SERINC5: variants seen among roughly 807,000 people sequenced by gnomAD.
SERINC5 encodes serine incorporator 5, also known as chromosome 5 open reading frame 12.
In SERINC5, 41 loss-of-function variants were observed where a neutral mutation model predicts 63.1. That is an observed-to-expected ratio of 0.65 (90% confidence interval 0.51 to 0.84). The LOEUF (loss-of-function observed/expected upper bound fraction) is 0.84. SERINC5 is among the 40% of genes least tolerant of loss of function. SERINC5 has a pLI of 0.00. For synonymous variants in SERINC5, 222 were observed against 215.2 expected, an observed-to-expected ratio of 1.03 and a Z score of -0.28; for missense variants, 523 against 573.0, an observed-to-expected ratio of 0.91 and a Z score of 0.89.
chr5:80,241,432 G>A (rs950559057), intron 1 of SERINC5, among the ~76,000 whole-genome samples: 1 of 152,104 alleles, frequency 6.6e-6, no homozygotes, highest in African/African-American at 2.4e-5. Context: ...TCGCGCCACT[G>A]CACTTCAACC....
intron 5 of SERINC5, among the ~76,000 whole-genome samples, chr5:80,171,357 T>C (rs77324890): frequency 0.021 from 3,193 of 152,168 alleles, 116 homozygotes; most frequent in African/African-American, 0.072. Context: ...AGAAACAAAG[T>C]GTTGCCAGCA....
At chr5:80,172,250 G>C (rs1747718962) in intron 5 of SERINC5, among the ~76,000 whole-genome samples, 1 of 152,112 alleles carries the variant, frequency 6.6e-6, no homozygotes. Flanking sequence ...GGACACCAGA[G>C]GCAGAGGCTG....
intron 2 of SERINC5, among the ~76,000 whole-genome samples, chr5:80,199,613 G>A (rs558248262): frequency 6.6e-6 from 1 of 152,138 alleles, no homozygotes; most frequent in Non-Finnish European, 1.5e-5. Flanking sequence ...AATCAGGTGT[G>A]AATATTATCA....
chr5:80,166,594 G>T (rs1580097108), intron 6 of SERINC5, 116 bp from the exon 7 acceptor site: 2 of 624,294 alleles, frequency 3.2e-6, no homozygotes, highest in East Asian at 5.9e-5. Flanking sequence ...CACCTTTAAA[G>T]GAAAGAAAAG....
At chr5:80,158,346 T>C (rs953920762) in intron 8 of SERINC5, 4 of 153,498 alleles carry the variant, frequency 2.6e-5, no homozygotes, top group Admixed American at 6.4e-5. Context: ...AGAATGAACA[T>C]TTCTTGTCTG....
At chr5:80,128,953 A>C (rs1334349721) in intron 11 of SERINC5, 27 of 152,230 alleles carry the variant, frequency 1.8e-4, no homozygotes, top group Admixed American at 1.8e-3. Flanking sequence ...TGTGATGCTT[A>C]AAACAGTCAC....
chr5:80,141,141 T>G lies in SERINC5; in HGVS notation c.*2522A>C. The G allele has an allele frequency of 2.0e-6, 2 of 985,318 alleles. No homozygotes were observed. The highest frequency in any genetic ancestry group is 2.4e-6 in the Non-Finnish European group (2 of 829,818). The allele number at this position is 985,318 out of a possible 1,614,324, so 61.0% of individuals were successfully genotyped here. A position where few individuals can be genotyped will look rare whatever the true frequency, so the allele number is the denominator to read the frequency against. On this transcript the variant is annotated 3_prime_UTR_variant, in exon 12 of 12. Transcript: ENST00000507668. ...CTCTGCATTGATAGTCCCTCAATCC[T>G]CAGATACATCCACATCTGTTTTGTT...
intron 1 of SERINC5, among the ~76,000 whole-genome samples, chr5:80,253,086 T>C (rs1357332520): frequency 6.6e-6 from 1 of 152,150 alleles, no homozygotes; most frequent in Non-Finnish European, 1.5e-5. Flanking sequence ...AGTAATGCGA[T>C]CATCATCTAC....
At chr5:80,113,304 T>C (rs1422785309) in intron 12 of SERINC5, among the ~76,000 whole-genome samples, 1 of 152,166 alleles carries the variant, frequency 6.6e-6, no homozygotes, top group Non-Finnish European at 1.5e-5. Context: ...TCCATTATCT[T>C]CTTTTATTTT....
At chr5:80,198,067 T>C (rs923492943) in intron 2 of SERINC5, among the ~76,000 whole-genome samples, 2 of 152,056 alleles carry the variant, frequency 1.3e-5, no homozygotes, top group African/African-American at 4.8e-5. Context: ...CTGGATCTCT[T>C]GACCTTGTGA....
intron 2 of SERINC5, among the ~76,000 whole-genome samples, chr5:80,192,085 T>C (rs1749223603): frequency 6.6e-6 from 1 of 152,242 alleles, no homozygotes; most frequent in South Asian, 2.1e-4. Flanking sequence ...TGGCTGCTTT[T>C]GCACTACAAA....
intron 5 of SERINC5, among the ~76,000 whole-genome samples, chr5:80,171,207 C>T (rs1045452874): frequency 1.2e-4 from 19 of 152,038 alleles, no homozygotes; most frequent in African/African-American, 4.6e-4. Flanking sequence ...CGGGGTTTCA[C>T]CATCTTGGCC....
chr5:80,170,207 G>A (rs1348311188), intron 5 of SERINC5, among the ~76,000 whole-genome samples: 4 of 152,326 alleles, frequency 2.6e-5, no homozygotes, highest in African/African-American at 9.6e-5. Context: ...AGATAAGCTT[G>A]TAATGGACAT....
At chr5:80,161,018 G>T (rs1580086672) in intron 7 of SERINC5, among the ~76,000 whole-genome samples, 1 of 143,270 alleles carries the variant, frequency 7.0e-6, no homozygotes, top group Non-Finnish European at 1.5e-5. Context: ...ATATATACGT[G>T]TATATATATA....
At chr5:80,112,686 C>T in intron 12 of SERINC5, among the ~76,000 whole-genome samples, 1 of 152,142 alleles carries the variant, frequency 6.6e-6, no homozygotes, top group East Asian at 1.9e-4. Context: ...ATAGCCCGCG[C>T]CTGTAATCCC....
At chr5:80,129,944 C>T (rs1259653977) in intron 11 of SERINC5, among the ~76,000 whole-genome samples, 1 of 152,194 alleles carries the variant, frequency 6.6e-6, no homozygotes, top group African/African-American at 2.4e-5. Flanking sequence ...TGCAGTCTTC[C>T]TCAATATCGT....
chr5:80,162,886 T>TGGGGTGCA (rs1430158523), intron 7 of SERINC5, among the ~76,000 whole-genome samples: 3 of 151,886 alleles, frequency 2.0e-5, no homozygotes, highest in Non-Finnish European at 4.4e-5. Context: ...TTGTCCAGGC[T>TGGGGTGCA]GGGGTGCAGG....
At chr5:80,199,852 C>CA (rs1190314830) in intron 2 of SERINC5, among the ~76,000 whole-genome samples, 5 of 152,174 alleles carry the variant, frequency 3.3e-5, no homozygotes, top group Non-Finnish European at 7.3e-5. Context: ...AGTGGATCAT[C>CA]AAGCCACCTT....
At chr5:80,244,179 T>C (rs1752064815) in intron 1 of SERINC5, among the ~76,000 whole-genome samples, 1 of 151,742 alleles carries the variant, frequency 6.6e-6, no homozygotes, top group South Asian at 2.1e-4. Flanking sequence ...TTCTCTACCT[T>C]CTGCTGCCTG....
Sources: gnomAD v4.1 joint callset for allele counts (sites outside exome capture counted in the v4.1 genomes callset) on GRCh38, gnomAD v4.1.1 for gene constraint, MANE v1.5 for transcripts, NCBI Gene and HGNC (gene_info 2026-07-23, HGNC 2026-07-21) for gene names.